VGLL4: variants seen among roughly 807,000 people sequenced by gnomAD.
VGLL4 encodes vestigial like family member 4.
VGLL4 carries 7 observed loss-of-function variants against 21.0 expected under a neutral mutation model. The ratio of observed to expected loss-of-function variants is 0.33; its 90% CI spans 0.19 to 0.63. VGLL4 has a LOEUF of 0.63. Ranked by LOEUF, VGLL4 falls within the 20% of genes least tolerant of loss-of-function variation. The pLI is 0.78. For missense variants in VGLL4, 394 were observed against 425.7 expected (o/e 0.93, Z 0.66); for synonymous variants, 222 against 173.2 (o/e 1.28, Z -2.21).
chr3:11,628,351 G>A (rs1328137280), intron 1 of VGLL4, among the ~76,000 whole-genome samples: 3 of 150,966 alleles, frequency 2.0e-5, no homozygotes, highest in Non-Finnish European at 4.4e-5. Context: ...TCGTGCCATT[G>A]CAAGCCAGCC....
At chr3:11,591,860 C>A (rs2074506728) in intron 2 of VGLL4, among the ~76,000 whole-genome samples, 1 of 152,246 alleles carries the variant, frequency 6.6e-6, no homozygotes, top group South Asian at 2.1e-4. Context: ...GAAACACACA[C>A]AACTGACATA....
At chr3:11,580,275 C>T (rs998149671) in intron 2 of VGLL4, among the ~76,000 whole-genome samples, 2 of 152,194 alleles carry the variant, frequency 1.3e-5, no homozygotes, top group African/African-American at 4.8e-5. Flanking sequence ...TTTGTCTTTC[C>T]ATGACTGGCT....
intron 2 of VGLL4, among the ~76,000 whole-genome samples, chr3:11,660,026 G>C (rs1222978545): frequency 6.6e-6 from 1 of 152,100 alleles, no homozygotes; most frequent in African/African-American, 2.4e-5. Context: ...GCCGGGCGTG[G>C]TGGTGGGCAC....
chr3:11,578,137 G>T (rs1177199313), intron 2 of VGLL4, among the ~76,000 whole-genome samples: 1 of 152,182 alleles, frequency 6.6e-6, no homozygotes, highest in Non-Finnish European at 1.5e-5. Context: ...ATTATTCCAA[G>T]ACCTGCAGTC....
At chr3:11,659,061 A>G (rs1004715445) in intron 2 of VGLL4, among the ~76,000 whole-genome samples, 11 of 152,168 alleles carry the variant, frequency 7.2e-5, no homozygotes, top group African/African-American at 1.9e-4. Context: ...CCATGCCTCT[A>G]AGAATTATTT....
chr3:11,643,797 T>A lies in VGLL4; in HGVS notation c.-279A>T, dbSNP rs1220184469. On this transcript the variant is annotated 5_prime_UTR_variant, in exon 1 of 5. Coordinates refer to ENST00000430365, the MANE Select transcript of VGLL4 (RefSeq NM_001128219.3). Reference sequence around the variant, plus strand: ...ACAGCGTTTCAGAAGTCCTTACAAGTCCTTCCTGGAAATGGAAAAGAGTGA... The same window carrying A: ...ACAGCGTTTCAGAAGTCCTTACAAGACCTTCCTGGAAATGGAAAAGAGTGA... The A allele has an allele frequency of 8.7e-7, 1 of 1,143,522 alleles. No homozygotes were observed. The highest frequency in any genetic ancestry group is 1.1e-6 in the Non-Finnish European group (1 of 930,618). The allele number at this position is 1,143,522 out of a possible 1,614,324, so 70.8% of individuals were successfully genotyped here. A position where few individuals can be genotyped will look rare whatever the true frequency, so the allele number is the denominator to read the frequency against.
chr3:11,707,599 C>T (rs2076780872), intron 1 of VGLL4, among the ~76,000 whole-genome samples: 1 of 151,810 alleles, frequency 6.6e-6, no homozygotes. Context: ...CATGTAATCC[C>T]AGTGCTCTGA....
chr3:11,662,458 T>A (rs947740268), intron 2 of VGLL4, among the ~76,000 whole-genome samples: 6 of 152,216 alleles, frequency 3.9e-5, no homozygotes, highest in African/African-American at 1.4e-4. Flanking sequence ...GAGAATGTAG[T>A]AAGGTGGCTT....
In VGLL4 at chr3:11,565,153, TGAG is replaced by T. The variant is rs1204235562; in HGVS notation, c.273-137_273-135del. On this transcript the variant is annotated intron_variant, in intron 2 of 4. Coordinates refer to ENST00000430365, the MANE Select transcript of VGLL4 (RefSeq NM_001128219.3). This position sits in a 1 kb window ranked among gnomAD's most constrained non-coding sequence, Gnocchi z 4.1. ...CAGGTCGTGTGGCTGGGCAGCACGATGAGGAGCCGGTTGCCAGCCCGGGTCAGC... is the reference window on the plus strand; with the variant it reads ...CAGGTCGTGTGGCTGGGCAGCACGATGAGCCGGTTGCCAGCCCGGGTCAGC... The T allele has an allele frequency of 2.2e-5, 20 of 921,606 alleles. No individual in the cohort carries two copies. Among genetic ancestry groups the T allele is most frequent in the Non-Finnish European group, 2.9e-5 (20 of 679,074 alleles). The allele number at this position is 921,606 out of a possible 1,614,324, so 57.1% of individuals were successfully genotyped here.
intron 2 of VGLL4, among the ~76,000 whole-genome samples, chr3:11,683,668 C>T (rs1249590730): frequency 1.3e-5 from 2 of 151,976 alleles, no homozygotes; most frequent in African/African-American, 2.4e-5. Flanking sequence ...GTAGTGCATG[C>T]CTGTAATCCC....
chr3:11,661,469 T>C (rs796330159), intron 2 of VGLL4, among the ~76,000 whole-genome samples: 5 of 139,526 alleles, frequency 3.6e-5, no homozygotes, highest in East Asian at 2.0e-4. Flanking sequence ...ATTTATCTAT[T>C]TATTTATTTA....
rs186263043 is a variant in VGLL4, at chr3:11,594,038, C to A, written c.272+7795G>T. Reference sequence around the variant, plus strand: ...ATCAAAGAGAGGATGCCTGCTCCAACGGGAACGTGGGCTCAAACAGCACTT... The same window carrying A: ...ATCAAAGAGAGGATGCCTGCTCCAAAGGGAACGTGGGCTCAAACAGCACTT... On this transcript the variant is annotated intron_variant, in intron 2 of 4. Coordinates refer to ENST00000430365, the MANE Select transcript of VGLL4 (RefSeq NM_001128219.3). 3.0e-3 allele frequency among the ~76,000 whole-genome samples: 461 copies of A among 152,316 alleles called. 1 individual carries two copies. The highest frequency in any genetic ancestry group is 3.9e-3 in the Non-Finnish European group (262 of 68,024).
chr3:11,707,078 G>A (rs967602199), intron 1 of VGLL4, among the ~76,000 whole-genome samples: 2 of 151,970 alleles, frequency 1.3e-5, no homozygotes, highest in African/African-American at 2.4e-5. Flanking sequence ...CACTTTAGGA[G>A]GCTGAAGCAG....
chr3:11,597,146 G>A (rs537414374), intron 2 of VGLL4, among the ~76,000 whole-genome samples: 14 of 152,084 alleles, frequency 9.2e-5, no homozygotes, highest in African/African-American at 2.9e-4. Context: ...CAGGAACCCC[G>A]GAGTCCATAT....
chr3:11,721,385 G>A (rs1243191922), upstream of VGLL4: 1 of 152,188 alleles, frequency 6.6e-6, no homozygotes, highest in Non-Finnish European at 1.5e-5. Context: ...GGTGTTGCCC[G>A]AAACTTGGGG....
intron 2 of VGLL4, among the ~76,000 whole-genome samples, chr3:11,574,070 TC>T (rs2073955930): frequency 6.6e-6 from 1 of 152,058 alleles, no homozygotes; most frequent in Non-Finnish European, 1.5e-5. Context: ...CCCACAGCCC[TC>T]AGAAGCAGCC....
At chr3:11,613,423 C>T (rs1178401753) in intron 1 of VGLL4, among the ~76,000 whole-genome samples, 1 of 152,128 alleles carries the variant, frequency 6.6e-6, no homozygotes, top group Non-Finnish European at 1.5e-5. Context: ...GAACAGAAAA[C>T]TAAACTTTCC....
chr3:11,620,424 A>C (rs1489459588), intron 1 of VGLL4, among the ~76,000 whole-genome samples: 1 of 152,194 alleles, frequency 6.6e-6, no homozygotes, highest in South Asian at 2.1e-4. Context: ...GGTGAGGGCA[A>C]GGGTGAAGAG....
At chr3:11,558,978 G>T in intron 4 of VGLL4, 151 bp from the exon 5 acceptor site, 1 of 968,308 alleles carries the variant, frequency 1.0e-6, no homozygotes, top group Non-Finnish European at 1.5e-6. Flanking sequence ...CCCCGGCTAA[G>T]TCAGGCACTT....
Sources: gnomAD v4.1 joint callset for allele counts (sites outside exome capture counted in the v4.1 genomes callset) on GRCh38, gnomAD v4.1.1 for gene constraint, Gnocchi (gnomAD v3.1) non-coding constraint, MANE v1.5 for transcripts, NCBI Gene and HGNC (gene_info 2026-07-23, HGNC 2026-07-21) for gene names.